The following CEP126 variants were observed in gnomAD, a reference collection of about 807,000 sequenced individuals.
CEP126 encodes the protein centrosomal protein of 126 kDa.
CEP126 carries 74 observed loss-of-function variants against 107.8 expected under a neutral mutation model. The ratio of observed to expected loss-of-function variants is 0.69; its 90% CI spans 0.57 to 0.83. The LOEUF (loss-of-function observed/expected upper bound fraction) is 0.83, where lower values mean the gene tolerates loss of function less well. CEP126 is among the 40% of genes least tolerant of loss of function. The pLI, the probability that CEP126 is intolerant of heterozygous loss-of-function variation, is 0.00. For synonymous variants in CEP126, 449 were observed against 446.0 expected, an observed-to-expected ratio of 1.01 and a Z score of -0.08; for missense variants, 1,237 against 1,281.9, an observed-to-expected ratio of 0.96 and a Z score of 0.53.
At chr11:101,987,417 A>C (rs1479350768) in intron 9 of CEP126, among the ~76,000 whole-genome samples, 1 of 152,158 alleles carries the variant, frequency 6.6e-6, no homozygotes, top group Non-Finnish European at 1.5e-5. Context: ...AAGACCAATA[A>C]CTAAATGTAG....
At chr11:101,960,021 A>G (rs1233394850) in intron 5 of CEP126, among the ~76,000 whole-genome samples, 1 of 152,226 alleles carries the variant, frequency 6.6e-6, no homozygotes, top group Non-Finnish European at 1.5e-5. Flanking sequence ...GATGAAAATT[A>G]TAAATCCACA....
At chr11:101,991,477 G>A (rs376623784) in intron 9 of CEP126, among the ~76,000 whole-genome samples, 67 of 152,290 alleles carry the variant, frequency 4.4e-4, no homozygotes, top group African/African-American at 1.6e-3. Context: ...CTATCAGACA[G>A]TAATTTAAAT....
intron 2 of CEP126, among the ~76,000 whole-genome samples, chr11:101,934,216 A>G (rs78730596): frequency 0.021 from 3,258 of 152,120 alleles, 35 homozygotes; most frequent in African/African-American, 0.029. Flanking sequence ...AGTTTTAGCA[A>G]CTTGGCTCTT....
rs756717031 is a variant in CEP126 at position 101,981,986 on chromosome 11, T to G, written c.3034+22T>G. On this transcript the variant is annotated intron_variant, in intron 8 of 10. Transcript: ENST00000263468. The stretch of plus-strand genomic sequence containing the variant: ...GAAGGTATGTTTTAGTTTAAACATT[T>G]TTCTCTGATCTTTGTTCCCAGTGAT... 5.4e-6 allele frequency: 7 copies of G among 1,289,570 alleles called. No individual in the cohort carries two copies. The African/African-American group carries it at 9.0e-5, about 17-fold the overall frequency. The allele number at this position is 1,289,570 out of a possible 1,614,324, so 79.9% of individuals were successfully genotyped here.
At chr11:101,922,882 C>A in intron 2 of CEP126, 122 bp downstream of exon 2, 3 of 767,400 alleles carry the variant, frequency 3.9e-6, no homozygotes, top group Non-Finnish European at 4.1e-6. Flanking sequence ...AAACATTGAT[C>A]AAGATTTGTG....
At chr11:101,938,159 C>CAAAAAAAAAAAAAAAAA (rs1491167740) in intron 2 of CEP126, among the ~76,000 whole-genome samples, 13 of 39,250 alleles carry the variant, frequency 3.3e-4, no homozygotes, top group Non-Finnish European at 4.8e-4. Context: ...GACTCTGTCT[C>CAAAAAAAAAAAAAAAAA]AAAAAAAAAA....
intron 1 of CEP126, among the ~76,000 whole-genome samples, chr11:101,922,038 G>A (rs562925223): frequency 6.6e-6 from 1 of 151,952 alleles, no homozygotes; most frequent in South Asian, 2.1e-4. Flanking sequence ...ACCCGCCTCA[G>A]CCTCCCAAAG....
chr11:101,982,018 T>C, intron 8 of CEP126, 54 bp downstream of exon 8: 1 of 952,740 alleles, frequency 1.0e-6, no homozygotes. Flanking sequence ...TGATTTTTTT[T>C]CTTGTATGCC....
intron 1 of CEP126, among the ~76,000 whole-genome samples, chr11:101,920,466 G>A (rs893791462): frequency 5.9e-5 from 9 of 151,764 alleles, no homozygotes; most frequent in African/African-American, 1.2e-4. Flanking sequence ...CCATCTTAGC[G>A]TAAAAAGTTT....
At chr11:101,987,421 A>T (rs1941328657) in intron 9 of CEP126, among the ~76,000 whole-genome samples, 1 of 152,174 alleles carries the variant, frequency 6.6e-6, no homozygotes, top group Non-Finnish European at 1.5e-5. Flanking sequence ...CCAATAACTA[A>T]ATGTAGATAA....
chr11:101,959,464 AAAG>A lies in CEP126; in HGVS notation c.705+1103_705+1105del, dbSNP rs1440065400. ...CACCATGCCTGGCCAACACTTTCTT[AAAG>A]AAGACTATGAAATCTAAATACTCAA... On this transcript the variant is annotated intron_variant, in intron 5 of 10. Coordinates refer to ENST00000263468, the MANE Select transcript of CEP126 (RefSeq NM_020802.4). Among the ~76,000 whole-genome samples, 3 of 152,210 alleles carry A rather than the reference AAAG, an allele frequency of 2.0e-5. No individual in the cohort carries two copies. The East Asian group carries it at 5.8e-4, about 29-fold the overall frequency.
intron 6 of CEP126, among the ~76,000 whole-genome samples, chr11:101,969,878 T>C (rs1004841405): frequency 2.0e-5 from 3 of 152,194 alleles, no homozygotes; most frequent in African/African-American, 7.2e-5. Context: ...CAATAGGATA[T>C]ATAGAATTAG....
In CEP126 at chr11:101,985,988, A is replaced by ATTTTT. The variant is rs773628925; in HGVS notation, c.3035-841_3035-840insTTTTT. On this transcript the variant is annotated intron_variant, in intron 8 of 10. Transcript: ENST00000263468. ...CAGTGGGAAGTAAAACTCTGAATTG[A>ATTTTT]TTTCTTTTTTTTTTTTTTTTTTTTG... is the stretch of plus-strand genomic sequence containing the variant. Among the ~76,000 whole-genome samples, 102 of 126,430 alleles carry ATTTTT rather than the reference A, an allele frequency of 8.1e-4. 8 individuals carry two copies. Among genetic ancestry groups the ATTTTT allele is most frequent in the East Asian group, 2.2e-3 (8 of 3,720 alleles). The allele number at this position is 126,430 out of a possible 152,430, so 82.9% of individuals were successfully genotyped here.
intron 2 of CEP126, among the ~76,000 whole-genome samples, chr11:101,937,469 C>G (rs894687676): frequency 6.6e-6 from 1 of 152,144 alleles, no homozygotes; most frequent in African/African-American, 2.4e-5. Flanking sequence ...CATGTCAGTA[C>G]TCAAAAGTTT....
At chr11:101,984,424 C>CA (rs1941292712) in intron 8 of CEP126, among the ~76,000 whole-genome samples, 1 of 152,148 alleles carries the variant, frequency 6.6e-6, no homozygotes, top group African/African-American at 2.4e-5. Context: ...CCTTCAGAGT[C>CA]TATCAGTAAG....
At chr11:101,930,244 T>C (rs958983719) in intron 2 of CEP126, among the ~76,000 whole-genome samples, 1 of 152,084 alleles carries the variant, frequency 6.6e-6, no homozygotes, top group Non-Finnish European at 1.5e-5. Context: ...CCACAGATAC[T>C]CAAGTCTCTT....
chr11:101,973,000 C>A (rs1299671832), intron 6 of CEP126, among the ~76,000 whole-genome samples: 3 of 152,174 alleles, frequency 2.0e-5, no homozygotes, highest in African/African-American at 7.2e-5. Flanking sequence ...ACTTCATATT[C>A]ATTGCTGCAA....
rs185359326 is a variant in CEP126 at position 101,997,236 on chromosome 11, C to A, written c.3310-363C>A. Among the ~76,000 whole-genome samples the A allele has an allele frequency of 6.9e-3, 1,054 of 152,252 alleles. 6 individuals are homozygous for A. The highest frequency in any genetic ancestry group is 0.011 in the Non-Finnish European group (745 of 68,016). Reference sequence around the variant, plus strand: ...TATTTTCAGTAGAGACAGGGTTTTACCATGTTGGCCAGGCAGGTCTCGAAC... The same window carrying A: ...TATTTTCAGTAGAGACAGGGTTTTAACATGTTGGCCAGGCAGGTCTCGAAC... On this transcript the variant is annotated intron_variant, in intron 10 of 10. Transcript: ENST00000263468.
At chr11:101,989,233 A>G (rs1224979281) in intron 9 of CEP126, among the ~76,000 whole-genome samples, 2 of 152,200 alleles carry the variant, frequency 1.3e-5, no homozygotes, top group Non-Finnish European at 2.9e-5. Flanking sequence ...GGAATTTCTA[A>G]TTATTTATAT....
Sources: allele counts gnomAD v4.1 joint callset (sites outside exome capture counted in the v4.1 genomes callset), GRCh38; gene constraint gnomAD v4.1.1; transcripts MANE v1.5; gene names NCBI Gene and HGNC (gene_info 2026-07-23, HGNC 2026-07-21).